Variants in ERGIC1 observed in about 807,000 individuals in gnomAD.
The protein encoded by ERGIC1 is endoplasmic reticulum-Golgi intermediate compartment protein 1.
ERGIC1 carries 19 observed loss-of-function variants against 38.3 expected under a neutral mutation model. That is an observed-to-expected ratio of 0.50 (90% CI 0.35 to 0.73). ERGIC1 has a LOEUF of 0.73. ERGIC1 is among the 30% of genes least tolerant of loss of function. The pLI, the probability that ERGIC1 is intolerant of heterozygous loss-of-function variation, is 0.01. For synonymous variants in ERGIC1, 124 were observed against 157.6 expected (o/e 0.79, Z 1.60); for missense variants, 294 against 389.2 (o/e 0.76, Z 2.06).
chr5:172,850,195 C>T (rs1463948200), intron 1 of ERGIC1, among the ~76,000 whole-genome samples: 3 of 152,192 alleles, frequency 2.0e-5, no homozygotes, highest in Non-Finnish European at 4.4e-5. Flanking sequence ...TTCCGTTGGC[C>T]AAGCTGCAAA....
At chr5:172,923,970 C>T (rs1193485247) in intron 5 of ERGIC1, 35 bp from the exon 6 acceptor site, 1 of 1,604,382 alleles carries the variant, frequency 6.2e-7, no homozygotes, top group South Asian at 1.1e-5. Flanking sequence ...CTGGAGAAGT[C>T]AACCAAACTC....
intron 1 of ERGIC1, among the ~76,000 whole-genome samples, chr5:172,863,981 C>T (rs536292225): frequency 3.3e-5 from 5 of 152,226 alleles, no homozygotes; most frequent in Admixed American, 6.5e-5. Flanking sequence ...GGATCACTTG[C>T]GGTCAGGAGG....
chr5:172,834,323 G>A lies in ERGIC1; in HGVS notation c.-91G>A. On this transcript the variant is annotated 5_prime_UTR_variant, in exon 1 of 10. Transcript: ENST00000393784. The surrounding 1 kb of genome is among the most constrained non-coding windows in gnomAD (Gnocchi z 4.1). ...CAGGGGGGCGGCCGGCGGGGGCGGG[G>A]CGGCCGGAGGAGGCGTTGGCAGCGG... 1 of 1,144,622 alleles carries A rather than the reference G, an allele frequency of 8.7e-7. No individual in the cohort carries two copies. Among genetic ancestry groups the A allele is most frequent in the Non-Finnish European group, 1.1e-6 (1 of 926,822 alleles). 70.9% of individuals were successfully genotyped at this position (1,144,622 alleles called of 1,614,324 possible). A position where few individuals can be genotyped will look rare whatever the true frequency, so the allele number is the denominator to read the frequency against.
chr5:172,897,611 G>A (rs1047959989), intron 3 of ERGIC1, among the ~76,000 whole-genome samples: 14 of 152,174 alleles, frequency 9.2e-5, no homozygotes, highest in African/African-American at 1.9e-4. Context: ...GTTCCATTCC[G>A]TGGGGGTTCT....
chr5:172,949,112 T>G (rs2113498191), intron 9 of ERGIC1, among the ~76,000 whole-genome samples: 1 of 152,372 alleles, frequency 6.6e-6, no homozygotes, highest in African/African-American at 2.4e-5. Flanking sequence ...TCATCCATGC[T>G]TTGATTCTCT....
intron 3 of ERGIC1, chr5:172,897,958 TA>T: frequency 2.4e-6 from 1 of 413,482 alleles, no homozygotes; most frequent in Non-Finnish European, 4.4e-6. Flanking sequence ...GGGGTGTGTG[TA>T]ACAGAATGCC....
chr5:172,836,294 C>T (rs930244825), intron 1 of ERGIC1, among the ~76,000 whole-genome samples: 7 of 152,156 alleles, frequency 4.6e-5, no homozygotes, highest in Non-Finnish European at 1.0e-4. Context: ...CAGCTCTAGC[C>T]TTTGGCCTTG....
At chr5:172,881,496 A>G (rs1018117160) in intron 1 of ERGIC1, among the ~76,000 whole-genome samples, 2 of 152,090 alleles carry the variant, frequency 1.3e-5, no homozygotes, top group African/African-American at 4.8e-5. Context: ...GAGAACTCAT[A>G]CTCCAGTGGC....
At chr5:172,856,884 A>G (rs1430586201) in intron 1 of ERGIC1, among the ~76,000 whole-genome samples, 1 of 152,178 alleles carries the variant, frequency 6.6e-6, no homozygotes, top group Non-Finnish European at 1.5e-5. Context: ...AGAAGCAGTA[A>G]TCTGCCTCAC....
At chr5:172,903,461 G>A (rs1762937206) in intron 3 of ERGIC1, among the ~76,000 whole-genome samples, 1 of 152,100 alleles carries the variant, frequency 6.6e-6, no homozygotes, top group Non-Finnish European at 1.5e-5. Flanking sequence ...GAAAGAGCAT[G>A]GGCTCTGGGC....
At chr5:172,908,309 G>GAGA (rs1763093078) in intron 3 of ERGIC1, among the ~76,000 whole-genome samples, 1 of 36,744 alleles carries the variant, frequency 2.7e-5, no homozygotes, top group Non-Finnish European at 5.4e-5. Flanking sequence ...GCGGGGGCGG[G>GAGA]GGGGGGGGGA....
chr5:172,877,317 T>C (rs1762157309), intron 1 of ERGIC1, among the ~76,000 whole-genome samples: 1 of 152,014 alleles, frequency 6.6e-6, no homozygotes, highest in Admixed American at 6.6e-5. Flanking sequence ...ACATTTACTT[T>C]TGCTTTCATG....
intron 1 of ERGIC1, among the ~76,000 whole-genome samples, chr5:172,879,639 C>G (rs1190260903): frequency 6.6e-6 from 1 of 152,232 alleles, no homozygotes; most frequent in African/African-American, 2.4e-5. Context: ...CACTGCCTAA[C>G]TCCAGATTCT....
chr5:172,866,066 TC>T (rs531439372), intron 1 of ERGIC1, among the ~76,000 whole-genome samples: 270 of 152,286 alleles, frequency 1.8e-3, no homozygotes, highest in African/African-American at 6.0e-3. Flanking sequence ...TCTTAACAGA[TC>T]CTTTGAGTGA....
At chr5:172,893,256 T>G (rs1417977218) in intron 2 of ERGIC1, among the ~76,000 whole-genome samples, 1 of 152,108 alleles carries the variant, frequency 6.6e-6, no homozygotes. Flanking sequence ...CAAGTGGTTC[T>G]CCTGTCTCAG....
At chr5:172,865,195 C>T (rs1417844520) in intron 1 of ERGIC1, among the ~76,000 whole-genome samples, 4 of 151,320 alleles carry the variant, frequency 2.6e-5, no homozygotes, top group African/African-American at 4.9e-5. Flanking sequence ...GCTGGGATTA[C>T]AGGCGCCCGC....
chr5:172,948,931 G>A (rs1323746016), intron 9 of ERGIC1, among the ~76,000 whole-genome samples: 1 of 152,106 alleles, frequency 6.6e-6, no homozygotes, highest in Admixed American at 6.5e-5. Flanking sequence ...GGCATCACCT[G>A]TAATCCTGGC....
At chr5:172,836,742 G>A (rs939603058) in intron 1 of ERGIC1, among the ~76,000 whole-genome samples, 2 of 152,228 alleles carry the variant, frequency 1.3e-5, no homozygotes, top group Non-Finnish European at 2.9e-5. Flanking sequence ...TCCAAGAGAA[G>A]GGAGGAGGGC....
intron 1 of ERGIC1, among the ~76,000 whole-genome samples, chr5:172,849,346 T>C (rs1298041880): frequency 2.0e-5 from 3 of 152,178 alleles, no homozygotes; most frequent in Admixed American, 2.0e-4. Context: ...TCAGGTGGCC[T>C]GGGAATCTGC....
Sources: gnomAD v4.1 joint callset for allele counts (sites outside exome capture counted in the v4.1 genomes callset) on GRCh38, gnomAD v4.1.1 for gene constraint, Gnocchi (gnomAD v3.1) non-coding constraint, MANE v1.5 for transcripts, NCBI Gene and HGNC (gene_info 2026-07-23, HGNC 2026-07-21) for gene names.